The following SHB variants were observed in gnomAD, a reference collection of about 807,000 sequenced individuals.
SHB encodes SH2 domain containing adaptor protein B, also known as SH2 domain-containing adapter protein B.
Under a neutral mutation model 52.3 loss-of-function variants are expected in SHB, and 20 were observed. That is an observed-to-expected ratio of 0.38 (90% CI 0.27 to 0.56). SHB has a LOEUF of 0.56. SHB is among the 20% of genes least tolerant of loss of function. The pLI is 0.71. For missense variants in SHB, 825 were observed against 723.3 expected (o/e 1.14, Z -1.61); for synonymous variants, 397 against 316.5 (o/e 1.25, Z -2.70).
intron 2 of SHB, among the ~76,000 whole-genome samples, chr9:37,994,830 T>C (rs540977378): frequency 6.6e-6 from 1 of 152,206 alleles, no homozygotes. Context: ...ATCAGTCATG[T>C]ATGCTGCCCT....
chr9:37,979,424 A>G lies in SHB; in HGVS notation c.839-4587T>C, dbSNP rs559806919. 5.6e-4 allele frequency among the ~76,000 whole-genome samples: 86 copies of G among 152,304 alleles called. 1 individual carries two copies. Among genetic ancestry groups the G allele is most frequent in the African/African-American group, 1.9e-3 (81 of 41,566 alleles). On this transcript the variant is annotated intron_variant, in intron 2 of 5. Coordinates refer to ENST00000377707, the MANE Select transcript of SHB (RefSeq NM_003028.3). ...AAGAATTTGCCTGGGCCCATTCACC[A>G]GGAGAGCTAGGCAGGTGTGCTCCCC...
chr9:37,983,269 C>T (rs576696127), intron 2 of SHB, among the ~76,000 whole-genome samples: 8 of 152,214 alleles, frequency 5.3e-5, no homozygotes, highest in South Asian at 2.1e-4. Context: ...AGTGATGTGG[C>T]GGCGAAAATG....
chr9:37,989,349 T>A (rs1020234130), intron 2 of SHB, among the ~76,000 whole-genome samples: 3 of 152,138 alleles, frequency 2.0e-5, no homozygotes, highest in African/African-American at 7.2e-5. Flanking sequence ...TGCAGCCAAA[T>A]AGCAGTTCCC....
At chr9:37,943,658 C>G (rs1461985400) in intron 5 of SHB, among the ~76,000 whole-genome samples, 2 of 152,208 alleles carry the variant, frequency 1.3e-5, no homozygotes, top group Non-Finnish European at 2.9e-5. Context: ...CTGCTGACTG[C>G]AGAGGCCTCA....
intron 1 of SHB, among the ~76,000 whole-genome samples, chr9:38,045,260 G>A (rs1460826731): frequency 2.6e-5 from 4 of 152,188 alleles, no homozygotes; most frequent in African/African-American, 9.7e-5. Context: ...CAAGACTACA[G>A]CCACATGGGA....
intron 5 of SHB, among the ~76,000 whole-genome samples, chr9:37,939,242 T>G (rs1319261837): frequency 1.3e-5 from 2 of 152,244 alleles, no homozygotes; most frequent in African/African-American, 4.8e-5. Context: ...GCCTAGCACC[T>G]GAGTGCAAAT....
At chr9:37,964,401 C>T (rs1161942531) in intron 3 of SHB, among the ~76,000 whole-genome samples, 1 of 152,196 alleles carries the variant, frequency 6.6e-6, no homozygotes, top group Non-Finnish European at 1.5e-5. Context: ...TTATTTGTGA[C>T]ATCCCCAGAG....
intron 2 of SHB, among the ~76,000 whole-genome samples, chr9:37,981,147 T>C (rs1820719573): frequency 6.6e-6 from 1 of 152,226 alleles, no homozygotes; most frequent in Non-Finnish European, 1.5e-5. Flanking sequence ...AGGCATTGAC[T>C]TCCCTATGGC....
chr9:37,933,698 G>A lies in SHB; in HGVS notation c.1347-13694C>T, dbSNP rs541797174. On this transcript the variant is annotated intron_variant, in intron 5 of 5. Transcript: ENST00000377707. ...TGATGGAAACTCCTCTGTAATATCC[G>A]CAATATTTACTGTCCAGCTTTGCTA... Among the ~76,000 whole-genome samples the A allele has an allele frequency of 3.9e-5, 6 of 152,158 alleles. No homozygotes were observed. In the East Asian group the frequency reaches 5.8e-4, roughly 15 times the overall value.
chr9:37,956,549 C>T (rs550042832), intron 3 of SHB, among the ~76,000 whole-genome samples: 2 of 152,310 alleles, frequency 1.3e-5, no homozygotes, highest in Non-Finnish European at 2.9e-5. Context: ...ATGCTACATC[C>T]CCTGTATTCA....
chr9:37,943,838 T>C (rs1401923241), intron 5 of SHB, among the ~76,000 whole-genome samples: 1 of 152,174 alleles, frequency 6.6e-6, no homozygotes, highest in Non-Finnish European at 1.5e-5. Flanking sequence ...TTGTCCACAT[T>C]CCTTTGCAAA....
chr9:37,933,426 T>C (rs1416243896), intron 5 of SHB, among the ~76,000 whole-genome samples: 1 of 152,150 alleles, frequency 6.6e-6, no homozygotes, highest in Non-Finnish European at 1.5e-5. Flanking sequence ...GAAGGAAGGA[T>C]ATTAAACAAA....
At chr9:37,921,356 C>T (rs921817264) in intron 5 of SHB, among the ~76,000 whole-genome samples, 2 of 152,240 alleles carry the variant, frequency 1.3e-5, no homozygotes, top group African/African-American at 4.8e-5. Context: ...GGCTTGAACA[C>T]ATCTCTTCCA....
chr9:38,051,526 C>T (rs1821749817), intron 1 of SHB, among the ~76,000 whole-genome samples: 1 of 151,662 alleles, frequency 6.6e-6, no homozygotes, highest in Non-Finnish European at 1.5e-5. Context: ...GGTTGAGTGT[C>T]TGCACTTTGA....
chr9:38,061,667 G>C (rs1278303474), intron 1 of SHB, among the ~76,000 whole-genome samples: 1 of 152,210 alleles, frequency 6.6e-6, no homozygotes, highest in Non-Finnish European at 1.5e-5. Flanking sequence ...GTCAAGTCAT[G>C]GGGGTTAAGC....
intron 2 of SHB, among the ~76,000 whole-genome samples, chr9:37,985,473 G>T (rs1820793526): frequency 6.6e-6 from 1 of 152,266 alleles, no homozygotes; most frequent in South Asian, 2.1e-4. Context: ...ATCTTCCAGT[G>T]ACTGCCTTTG....
At chr9:37,939,403 G>A (rs1194652484) in intron 5 of SHB, among the ~76,000 whole-genome samples, 1 of 152,230 alleles carries the variant, frequency 6.6e-6, no homozygotes, top group Non-Finnish European at 1.5e-5. Flanking sequence ...TTCCTCTTCT[G>A]TAAAGTAGGA....
At chr9:37,972,330 T>C (rs1481230594) in intron 3 of SHB, among the ~76,000 whole-genome samples, 1 of 152,138 alleles carries the variant, frequency 6.6e-6, no homozygotes, top group Non-Finnish European at 1.5e-5. Flanking sequence ...GGACAGACCT[T>C]GGGTTCCTTT....
chr9:38,048,595 T>C (rs928678656), intron 1 of SHB, among the ~76,000 whole-genome samples: 2 of 152,144 alleles, frequency 1.3e-5, no homozygotes, highest in Non-Finnish European at 2.9e-5. Flanking sequence ...GATGGCACTG[T>C]TGCACTCTAG....
Sources: allele counts gnomAD v4.1 joint callset (sites outside exome capture counted in the v4.1 genomes callset), GRCh38; gene constraint gnomAD v4.1.1; transcripts MANE v1.5; gene names NCBI Gene and HGNC (gene_info 2026-07-23, HGNC 2026-07-21).